The following NF1 variants were observed in gnomAD, a reference collection of about 807,000 sequenced individuals.
The protein encoded by NF1 is neurofibromin.
Under a neutral mutation model 325.7 loss-of-function variants are expected in NF1, and 122 were observed. The ratio of observed to expected loss-of-function variants is 0.37; its 90% CI spans 0.32 to 0.44. The LOEUF is 0.44. NF1 is among the 20% of genes least tolerant of loss of function. The pLI, the probability that NF1 is intolerant of heterozygous loss-of-function variation, is 1.00. For synonymous variants in NF1, 1,091 were observed against 1,186.0 expected (o/e 0.92, Z 1.65); for missense variants, 2,140 against 3,415.4 (o/e 0.63, Z 9.31).
At position 31,227,441 on chromosome 17, in the gene NF1, T is replaced by C; in HGVS notation, c.2326-82T>C. On this transcript the variant is annotated intron_variant, in intron 19 of 57. Coordinates refer to ENST00000358273, the MANE Select transcript of NF1 (RefSeq NM_001042492.3). ...ATAATATCTGAGTATTTAATATACA[T>C]CAAGTTTGAAACTTGGCTGTAGCTG... 2 of 1,484,098 alleles carry C rather than the reference T, an allele frequency of 1.3e-6. 1 individual carries two copies. Among genetic ancestry groups the C allele is most frequent in the South Asian group, 2.3e-5 (2 of 88,054 alleles). 91.9% of individuals were successfully genotyped at this position (1,484,098 alleles called of 1,614,324 possible).
intron 36 of NF1, among the ~76,000 whole-genome samples, chr17:31,313,139 TAGTC>T (rs1218777032): frequency 6.6e-6 from 1 of 152,154 alleles, no homozygotes; most frequent in African/African-American, 2.4e-5. Flanking sequence ...ATAATAATAA[TAGTC>T]AAATACCACA....
chr17:31,201,209 T>G lies in NF1; in HGVS notation c.1185+50T>G, dbSNP rs1353141656. ...CTATATTTACTGATGCTGTTATCCT[T>G]TATAAACAAAAAGACTATAGAGATT... is the stretch of plus-strand genomic sequence containing the variant. On this transcript the variant is annotated intron_variant, in intron 10 of 57. Coordinates refer to ENST00000358273, the MANE Select transcript of NF1 (RefSeq NM_001042492.3). 6 of 1,608,770 alleles carry G rather than the reference T, an allele frequency of 3.7e-6. No homozygotes were observed. The Admixed American group carries it at 5.0e-5, about 13-fold the overall frequency.
chr17:31,200,460 C>A lies in NF1; in HGVS notation c.927C>A (p.Gly309=), dbSNP rs1315172669. Residue 309 remains glycine (G), a synonymous_variant, in exon 9 of 58, where the codon GGC becomes GGA. Transcript: ENST00000358273. ...ACAGTCTACGAAAAGCTCTTGCTGG[C>A]CATGGAGGAAGTAGGCAGCTGACAG... ...FLDSLRKALA[G]HGGSRQLTES... The A allele has an allele frequency of 6.2e-7, 1 of 1,614,094 alleles. No individual in the cohort carries two copies. Among genetic ancestry groups the A allele is most frequent in the Admixed American group, 1.7e-5 (1 of 60,020 alleles).
chr17:31,224,035 C>A (rs377276972), intron 16 of NF1, among the ~76,000 whole-genome samples: 1 of 151,984 alleles, frequency 6.6e-6, no homozygotes, highest in Non-Finnish European at 1.5e-5. Context: ...TCTGAGAAAT[C>A]GTAAAGACCT....
chr17:31,334,383 CG>C (rs1461135437), intron 39 of NF1, among the ~76,000 whole-genome samples: 1 of 151,866 alleles, frequency 6.6e-6, no homozygotes, highest in Non-Finnish European at 1.5e-5. Context: ...CCCGTTTTTG[CG>C]GGGGAGTGGG....
At chr17:31,264,369 C>G (rs2067748850) in intron 35 of NF1, among the ~76,000 whole-genome samples, 1 of 151,668 alleles carries the variant, frequency 6.6e-6, no homozygotes, top group South Asian at 2.1e-4. Flanking sequence ...CGAGATCGTG[C>G]CACTGCACTC....
chr17:31,337,603 A>T (rs2151556751), intron 43 of NF1, 21 bp downstream of exon 43: 1 of 1,603,660 alleles, frequency 6.2e-7, no homozygotes, highest in Non-Finnish European at 8.5e-7. Flanking sequence ...CAAAATGATA[A>T]GAAACTAAGT....
chr17:31,151,467 A>G (rs1177815943), intron 1 of NF1, among the ~76,000 whole-genome samples: 1 of 152,188 alleles, frequency 6.6e-6, no homozygotes, highest in Non-Finnish European at 1.5e-5. Context: ...AAAGGGAACA[A>G]AATTTCCAGG....
At chr17:31,143,997 G>T (rs1368766533) in intron 1 of NF1, among the ~76,000 whole-genome samples, 4 of 151,896 alleles carry the variant, frequency 2.6e-5, no homozygotes, top group Non-Finnish European at 5.9e-5. Flanking sequence ...AATTTTTGTT[G>T]TATTTTTAGT....
intron 36 of NF1, chr17:31,321,359 A>G (rs1175780860): frequency 6.6e-6 from 1 of 152,178 alleles, no homozygotes; most frequent in African/African-American, 2.4e-5. Flanking sequence ...GACAGAAAAA[A>G]AAAGTATACA....
chr17:31,298,557 C>T (rs1417769620), intron 36 of NF1, among the ~76,000 whole-genome samples: 2 of 151,996 alleles, frequency 1.3e-5, no homozygotes, highest in Non-Finnish European at 2.9e-5. Context: ...CTAGGAGCCA[C>T]CTTTTGTATA....
At chr17:31,259,396 T>C (rs2067645247) in intron 33 of NF1, among the ~76,000 whole-genome samples, 2 of 152,202 alleles carry the variant, frequency 1.3e-5, no homozygotes. Flanking sequence ...GATTTGAGGA[T>C]GGTACAATAT....
intron 6 of NF1, 109 bp from the exon 7 acceptor site, chr17:31,181,601 C>T: frequency 1.5e-6 from 2 of 1,290,602 alleles, no homozygotes; most frequent in South Asian, 2.4e-5. Flanking sequence ...CATTCATTTT[C>T]AGGAAGAATA....
intron 4 of NF1, 105 bp downstream of exon 4, chr17:31,163,481 G>GT: frequency 7.7e-7 from 1 of 1,290,616 alleles, no homozygotes. Flanking sequence ...AGGTTTTTTT[G>GT]TTTTTGAGAC....
At chr17:31,176,124 T>C (rs1673180998) in intron 5 of NF1, among the ~76,000 whole-genome samples, 1 of 152,238 alleles carries the variant, frequency 6.6e-6, no homozygotes, top group South Asian at 2.1e-4. Flanking sequence ...GTTGAACTAA[T>C]TTACACTCCC....
At chr17:31,195,658 A>G (rs1469812931) in intron 8 of NF1, among the ~76,000 whole-genome samples, 2 of 152,036 alleles carry the variant, frequency 1.3e-5, no homozygotes, top group Non-Finnish European at 2.9e-5. Context: ...TACTTAGCAT[A>G]ATGTCCTCCA....
chr17:31,095,374 C>G lies in NF1; in HGVS notation c.60+5C>G, dbSNP rs879413062. The G allele has an allele frequency of 6.5e-6, 10 of 1,539,318 alleles. No individual in the cohort carries two copies. Among genetic ancestry groups the G allele is most frequent in the African/African-American group, 1.4e-5 (1 of 72,924 alleles). ...GTCAGCCGCTTCGACGAGCAGGTAA[C>G]CGGCCCGTGGCGGGCGGGAGGTGGG... is the stretch of plus-strand genomic sequence containing the variant. On this transcript the variant is annotated splice_donor_5th_base_variant and intron_variant, in intron 1 of 57. Transcript: ENST00000358273.
chr17:31,153,764 C>T (rs1300996160), intron 1 of NF1, among the ~76,000 whole-genome samples: 2 of 150,686 alleles, frequency 1.3e-5, no homozygotes, highest in African/African-American at 4.9e-5. Context: ...CACACACTAC[C>T]AAGCCTAGAT....
At chr17:31,246,031 C>A (rs900589162) in intron 29 of NF1, among the ~76,000 whole-genome samples, 2 of 152,118 alleles carry the variant, frequency 1.3e-5, no homozygotes, top group Middle Eastern at 3.2e-3. Context: ...GTTTTAAGAG[C>A]AATGTATCAG....
Sources: allele counts gnomAD v4.1 joint callset (sites outside exome capture counted in the v4.1 genomes callset), GRCh38; gene constraint gnomAD v4.1.1; transcripts MANE v1.5; gene names NCBI Gene and HGNC (gene_info 2026-07-23, HGNC 2026-07-21).